MAD1L1: variants seen among roughly 807,000 people sequenced by gnomAD.
MAD1L1 encodes mitotic spindle assembly checkpoint protein MAD1.
Under a neutral mutation model 96.9 loss-of-function variants are expected in MAD1L1, and 95 were observed. The observed-to-expected ratio is 0.98, with a 90% CI of 0.83 to 1.16. The LOEUF (loss-of-function observed/expected upper bound fraction) is 1.16, where lower values mean the gene tolerates loss of function less well. MAD1L1 is among the 50% of genes most tolerant of loss of function. The pLI is 0.00. For missense variants in MAD1L1, 1,007 were observed against 954.4 expected (o/e 1.06, Z -0.73); for synonymous variants, 473 against 396.6 (o/e 1.19, Z -2.29).
intron 17 of MAD1L1, among the ~76,000 whole-genome samples, chr7:1,932,423 G>A (rs747448296): frequency 5.9e-5 from 9 of 152,310 alleles, no homozygotes; most frequent in Admixed American, 1.3e-4. Context: ...CCTGAGAGAC[G>A]GTGCGGGGCC....
At chr7:2,145,661 C>A (rs1040565664) in intron 11 of MAD1L1, among the ~76,000 whole-genome samples, 1 of 152,142 alleles carries the variant, frequency 6.6e-6, no homozygotes, top group Non-Finnish European at 1.5e-5. Context: ...CTGCTCACTG[C>A]GGGATGATCT....
At chr7:2,070,882 T>C (rs17734969) in intron 11 of MAD1L1, among the ~76,000 whole-genome samples, 30,785 of 152,110 alleles carry the variant, frequency 0.2, 3,685 homozygotes, top group South Asian at 0.38. Context: ...TGAGGAAAAG[T>C]TTCATCCCTG....
chr7:1,854,929 G>C (rs183473306), intron 18 of MAD1L1, among the ~76,000 whole-genome samples: 2 of 152,254 alleles, frequency 1.3e-5, no homozygotes, highest in Admixed American at 6.5e-5. Flanking sequence ...CCAGAGGCCT[G>C]AGAGCTGCCG....
At chr7:2,198,883 T>C (rs1486828720) in intron 10 of MAD1L1, among the ~76,000 whole-genome samples, 3 of 152,028 alleles carry the variant, frequency 2.0e-5, no homozygotes, top group East Asian at 1.9e-4. Flanking sequence ...AGCTACAGAA[T>C]AGGGTTCCAA....
At chr7:1,825,541 C>G (rs1462559569) in intron 18 of MAD1L1, among the ~76,000 whole-genome samples, 2 of 152,258 alleles carry the variant, frequency 1.3e-5, no homozygotes, top group Non-Finnish European at 2.9e-5. Flanking sequence ...GGGCCCAAGC[C>G]CCTCGGCACC....
rs185934135 is a variant in MAD1L1, at chr7:1,863,168, C to T, written c.1998+35032G>A. Among the ~76,000 whole-genome samples the T allele has an allele frequency of 3.3e-4, 50 of 152,360 alleles. No individual in the cohort carries two copies. The East Asian group carries it at 9.2e-3, about 28-fold the overall frequency. ...TCCAGATCTGAGCGCACGAGGAGGC[C>T]GCCTCAGCACGGGCTGAAGACCTCA... On this transcript the variant is annotated intron_variant, in intron 18 of 18. Coordinates refer to ENST00000265854, the MANE Select transcript of MAD1L1 (RefSeq NM_001013836.2).
chr7:1,826,905 G>A (rs2128623790), intron 18 of MAD1L1, among the ~76,000 whole-genome samples: 3 of 152,324 alleles, frequency 2.0e-5, no homozygotes, highest in Middle Eastern at 6.8e-3. Flanking sequence ...AAGAGTGACT[G>A]GCGGGGCGGG....
chr7:2,132,590 A>T (rs1444006694), intron 11 of MAD1L1, among the ~76,000 whole-genome samples: 3 of 152,178 alleles, frequency 2.0e-5, no homozygotes, highest in African/African-American at 7.2e-5. Flanking sequence ...CGATCTTTTT[A>T]CTGTGTCCAC....
At position 2,222,720 on chromosome 7, in the gene MAD1L1, C is replaced by T. The variant is rs374334107; in HGVS notation, c.326G>A (p.Arg109His). ...EVDRNQELLT[R>H]IRQLQEREAG... Reference sequence around the variant, plus strand: ...CTCCCGCTCCTGAAGCTGCCGGATGCGCGTCAGGAGCTCCTGGTTGCGGTC... The same window carrying T: ...CTCCCGCTCCTGAAGCTGCCGGATGTGCGTCAGGAGCTCCTGGTTGCGGTC... The change falls in exon 5 of 19, where the codon CGC becomes CAC. Residue 109 changes from arginine (R) to histidine (H), a missense_variant. Physicochemically the swap from Arg to His is conservative, Grantham distance 29 (BLOSUM62 0). Coordinates refer to ENST00000265854, the MANE Select transcript of MAD1L1 (RefSeq NM_001013836.2). The T allele has an allele frequency of 1.6e-5, 25 of 1,607,422 alleles. No homozygotes were observed. The highest frequency in any genetic ancestry group is 1.1e-4 in the African/African-American group (8 of 74,816).
chr7:1,977,051 G>A (rs921346300), intron 15 of MAD1L1, among the ~76,000 whole-genome samples: 2 of 152,256 alleles, frequency 1.3e-5, no homozygotes, highest in Admixed American at 6.5e-5. Context: ...GCTGGCTTCC[G>A]ACAGTGGATC....
chr7:2,046,290 T>G (rs2128514312), intron 12 of MAD1L1, among the ~76,000 whole-genome samples: 1 of 152,234 alleles, frequency 6.6e-6, no homozygotes, highest in African/African-American at 2.4e-5. Context: ...AAGATCGCCT[T>G]TCAATGTGCA....
chr7:1,970,188 T>A (rs1237178831), intron 15 of MAD1L1, among the ~76,000 whole-genome samples: 3 of 152,068 alleles, frequency 2.0e-5, no homozygotes, highest in African/African-American at 7.2e-5. Flanking sequence ...GGTCCCTGTG[T>A]GGCTGGGTGA....
chr7:1,903,781 G>A (rs1254427655), intron 17 of MAD1L1, among the ~76,000 whole-genome samples: 1 of 144,818 alleles, frequency 6.9e-6, no homozygotes, highest in Admixed American at 6.8e-5. Context: ...ATGAAGCACT[G>A]TTCCAGGCAG....
At chr7:1,913,536 G>A (rs1363448709) in intron 17 of MAD1L1, among the ~76,000 whole-genome samples, 2 of 152,098 alleles carry the variant, frequency 1.3e-5, no homozygotes, top group Non-Finnish European at 2.9e-5. Context: ...AGGTCCTGGA[G>A]ATGGCCCTGG....
intron 10 of MAD1L1, among the ~76,000 whole-genome samples, chr7:2,154,996 C>G (rs1233818712): frequency 6.6e-6 from 1 of 152,194 alleles, no homozygotes; most frequent in Non-Finnish European, 1.5e-5. Flanking sequence ...CCAGGAGGCT[C>G]TGGGCACGCG....
intron 18 of MAD1L1, among the ~76,000 whole-genome samples, chr7:1,896,331 G>A (rs1258546744): frequency 6.6e-6 from 1 of 152,250 alleles, no homozygotes; most frequent in South Asian, 2.1e-4. Context: ...GGGCGGATGA[G>A]GGCCGGGGGA....
chr7:2,210,554 G>A lies in MAD1L1; in HGVS notation c.986+2658C>T, dbSNP rs137924972. ...CATTCCCGTGGACTCTCTAGGAGCC[G>A]TATTCGGGACCGCCAGCCCGCATTC... On this transcript the variant is annotated intron_variant, in intron 10 of 18. Coordinates refer to ENST00000265854, the MANE Select transcript of MAD1L1 (RefSeq NM_001013836.2). 1.6e-3 allele frequency among the ~76,000 whole-genome samples: 221 copies of A among 138,484 alleles called. 4 individuals carry two copies. The highest frequency in any genetic ancestry group is 6.5e-3 in the African/African-American group (204 of 31,598). The allele number at this position is 138,484 out of a possible 152,430, so 90.9% of individuals were successfully genotyped here.
intron 11 of MAD1L1, among the ~76,000 whole-genome samples, chr7:2,125,630 G>C (rs1584383379): frequency 6.6e-6 from 1 of 152,174 alleles, no homozygotes; most frequent in Non-Finnish European, 1.5e-5. Context: ...CTGGCTCGAG[G>C]TTTCTGACGA....
At chr7:2,080,969 C>A (rs910483249) in intron 11 of MAD1L1, among the ~76,000 whole-genome samples, 13 of 152,210 alleles carry the variant, frequency 8.5e-5, no homozygotes, top group Admixed American at 8.5e-4. Context: ...TAACCCTCAG[C>A]TGCCTCTCAG....
Sources: allele counts gnomAD v4.1 joint callset (sites outside exome capture counted in the v4.1 genomes callset), GRCh38; gene constraint gnomAD v4.1.1; transcripts MANE v1.5; gene names NCBI Gene and HGNC (gene_info 2026-07-23, HGNC 2026-07-21).